Variants in NAV3 observed in about 807,000 individuals in gnomAD.
NAV3 encodes the protein pore membrane and/or filament interacting like protein 1.
In NAV3, 87 loss-of-function variants were observed where a neutral mutation model predicts 244.7. That is an observed-to-expected ratio of 0.36 (90% CI 0.30 to 0.42). The LOEUF (loss-of-function observed/expected upper bound fraction) is 0.42, where lower values mean the gene tolerates loss of function less well. Ranked by LOEUF, NAV3 falls within the 20% of genes least tolerant of loss-of-function variation. The pLI, the probability that NAV3 is intolerant of heterozygous loss-of-function variation, is 1.00. For missense variants in NAV3, 2,663 were observed against 2,893.3 expected, an observed-to-expected ratio of 0.92 and a Z score of 1.83; for synonymous variants, 1,126 against 1,042.2, an observed-to-expected ratio of 1.08 and a Z score of -1.55.
At chr12:78,205,361 C>A (rs1327258511) in intron 39 of NAV3, among the ~76,000 whole-genome samples, 1 of 151,944 alleles carries the variant, frequency 6.6e-6, no homozygotes, top group Non-Finnish European at 1.5e-5. Flanking sequence ...AGAATGAACT[C>A]CTAGACTATA....
intron 3 of NAV3, chr12:77,950,550 A>G (rs1890773762): frequency 6.6e-6 from 1 of 152,214 alleles, no homozygotes; most frequent in African/African-American, 2.4e-5. Flanking sequence ...CTTTCTTCAC[A>G]GAATTGGAAA....
chr12:78,108,758 A>C (rs997762706), intron 12 of NAV3, among the ~76,000 whole-genome samples: 1 of 152,110 alleles, frequency 6.6e-6, no homozygotes, highest in African/African-American at 2.4e-5. Flanking sequence ...TCTTGTAACA[A>C]ATAAAGATTG....
intron 2 of NAV3, among the ~76,000 whole-genome samples, chr12:77,636,165 A>G (rs12810279): frequency 0.1 from 15,190 of 152,188 alleles, 1,019 homozygotes; most frequent in Non-Finnish European, 0.15. Context: ...AATGGCGATC[A>G]TTAAAAAGTC....
chr12:77,707,053 T>TTTTC lies in NAV3; in HGVS notation c.72+134807_72+134810dup, dbSNP rs144244729. On this transcript the variant is annotated intron_variant, in intron 2 of 8. Transcript: ENST00000550042. ...GACCCAGCTTGAATTGCTACCTTTT[T>TTTTC]TTTCTTTCTTTCTTTCTTTCTTTTT... 8.0e-3 allele frequency among the ~76,000 whole-genome samples: 1,200 copies of TTTTC among 150,436 alleles called. 18 individuals carry two copies. The highest frequency in any genetic ancestry group is 0.028 in the Middle Eastern group (8 of 286).
At chr12:77,979,775 C>G (rs34576931) in intron 5 of NAV3, among the ~76,000 whole-genome samples, 12,390 of 150,212 alleles carry the variant, frequency 0.082, 630 homozygotes, top group South Asian at 0.13. Context: ...GCTCACCCAT[C>G]AGAGATGTTT....
chr12:78,048,581 C>G (rs1295563778), intron 9 of NAV3, among the ~76,000 whole-genome samples: 1 of 152,216 alleles, frequency 6.6e-6, no homozygotes, highest in Non-Finnish European at 1.5e-5. Context: ...CCTCTTCCTT[C>G]CTCTGGAAGC....
chr12:77,660,877 G>A (rs1336058792), intron 2 of NAV3, among the ~76,000 whole-genome samples: 3 of 152,064 alleles, frequency 2.0e-5, no homozygotes, highest in Non-Finnish European at 2.9e-5. Context: ...GTTACGCTCA[G>A]TGTAATATTA....
intron 2 of NAV3, among the ~76,000 whole-genome samples, chr12:77,632,186 A>T (rs1337439354): frequency 1.3e-5 from 2 of 152,156 alleles, no homozygotes; most frequent in Non-Finnish European, 2.9e-5. Flanking sequence ...CAGAATGGTG[A>T]TGTTTGCATG....
chr12:77,865,986 G>GT (rs113206069), intron 1 of NAV3, among the ~76,000 whole-genome samples: 42,753 of 151,488 alleles, frequency 0.28, 6,244 homozygotes, highest in Admixed American at 0.35. Flanking sequence ...CACATTATAA[G>GT]TTTTTTTTCA....
intron 8 of NAV3, among the ~76,000 whole-genome samples, chr12:78,010,035 C>A (rs998162798): frequency 6.6e-6 from 1 of 152,098 alleles, no homozygotes; most frequent in African/African-American, 2.4e-5. Flanking sequence ...TACACCAGAG[C>A]AAGACCCTGT....
chr12:77,692,812 A>G (rs1245776568), intron 2 of NAV3, among the ~76,000 whole-genome samples: 2 of 152,186 alleles, frequency 1.3e-5, no homozygotes, highest in Non-Finnish European at 2.9e-5. Flanking sequence ...GTCCATTGAG[A>G]GAAAAAGATA....
chr12:78,017,890 C>A (rs552156884), intron 8 of NAV3, among the ~76,000 whole-genome samples: 1 of 152,228 alleles, frequency 6.6e-6, no homozygotes, highest in African/African-American at 2.4e-5. Flanking sequence ...ATTGATTGAT[C>A]CTCTATAGAC....
intron 2 of NAV3, among the ~76,000 whole-genome samples, chr12:77,808,462 G>T (rs1388593574): frequency 3.3e-5 from 5 of 152,102 alleles, no homozygotes; most frequent in African/African-American, 1.2e-4. Context: ...GTTTGCTGGA[G>T]GTCCACTGCA....
intron 2 of NAV3, among the ~76,000 whole-genome samples, chr12:77,642,561 G>A (rs1872459473): frequency 6.6e-6 from 1 of 152,034 alleles, no homozygotes; most frequent in Admixed American, 6.6e-5. Context: ...GGAAGACTGA[G>A]GGTAGTATGC....
At chr12:77,607,329 C>T (rs1202455108) in intron 2 of NAV3, among the ~76,000 whole-genome samples, 1 of 152,058 alleles carries the variant, frequency 6.6e-6, no homozygotes, top group Non-Finnish European at 1.5e-5. Context: ...ATCCCCTTAA[C>T]TCAATGAGGA....
At chr12:77,821,076 C>A (rs6538384) in intron 2 of NAV3, among the ~76,000 whole-genome samples, 75,719 of 147,486 alleles carry the variant, frequency 0.51, 20,809 homozygotes, top group Non-Finnish European at 0.63. Flanking sequence ...CATGTACACA[C>A]ACACATGTTC....
intron 9 of NAV3, among the ~76,000 whole-genome samples, chr12:78,022,411 G>A (rs886433115): frequency 2.0e-5 from 3 of 152,124 alleles, no homozygotes; most frequent in South Asian, 2.1e-4. Context: ...GTCCAGGTAA[G>A]CCTAAGCATA....
chr12:77,984,847 C>T (rs1200217505), intron 5 of NAV3, among the ~76,000 whole-genome samples: 2 of 151,556 alleles, frequency 1.3e-5, no homozygotes, highest in Non-Finnish European at 2.9e-5. Flanking sequence ...GACGGAGTCT[C>T]GCTCTGTCAC....
chr12:78,022,793 A>T (rs1344974205), intron 9 of NAV3, among the ~76,000 whole-genome samples: 1 of 152,174 alleles, frequency 6.6e-6, no homozygotes, highest in Non-Finnish European at 1.5e-5. Context: ...GGCAAGCATT[A>T]GACATGACTA....
Sources: gnomAD v4.1 joint callset for allele counts (sites outside exome capture counted in the v4.1 genomes callset) on GRCh38, gnomAD v4.1.1 for gene constraint, MANE v1.5 for transcripts, NCBI Gene and HGNC (gene_info 2026-07-23, HGNC 2026-07-21) for gene names.